The following ANKLE2 variants were observed in gnomAD, a reference collection of about 807,000 sequenced individuals.
ANKLE2 encodes ankyrin repeat and LEM domain containing 2, also known as ankyrin repeat and LEM domain-containing protein 2.
A neutral mutation model predicts 84.2 loss-of-function variants in ANKLE2; 55 were observed. The ratio of observed to expected loss-of-function variants is 0.65; its 90% CI spans 0.53 to 0.82. The LOEUF (loss-of-function observed/expected upper bound fraction) is 0.82, where lower values mean the gene tolerates loss of function less well. Among genes scored for constraint, ANKLE2 ranks in the 40% least tolerant of loss-of-function variants. The pLI is 0.00. For missense variants in ANKLE2, 1,238 were observed against 1,201.9 expected, an observed-to-expected ratio of 1.03 and a Z score of -0.44; for synonymous variants, 551 against 486.1, an observed-to-expected ratio of 1.13 and a Z score of -1.76.
In ANKLE2 at chr12:132,740,880, C is replaced by T. The variant is rs116136124; in HGVS notation, c.1420+539G>A. ...GGAGGCGAGTGGGGAGGGAGTGTCC[C>T]GGAGCCAAGACAGGAGCCTGGGCGT... On this transcript the variant is annotated intron_variant, in intron 7 of 12. Transcript: ENST00000357997. 2.6e-3 allele frequency among the ~76,000 whole-genome samples: 397 copies of T among 152,168 alleles called. 1 individual carries two copies. The highest frequency in any genetic ancestry group is 8.9e-3 in the African/African-American group (371 of 41,474).
At chr12:132,734,022 G>A (rs2043952743) in intron 10 of ANKLE2, 2 of 463,996 alleles carry the variant, frequency 4.3e-6, no homozygotes, top group Admixed American at 2.3e-5. Flanking sequence ...TGGATCACGA[G>A]GTCAGGAGTT....
intron 10 of ANKLE2, chr12:132,734,002 A>G (rs1175186234): frequency 2.2e-6 from 1 of 461,126 alleles, no homozygotes; most frequent in African/African-American, 2.0e-5. Flanking sequence ...TAACCTTCCC[A>G]GCACTCTAGT....
At chr12:132,759,260 AC>A (rs2044563162) in intron 1 of ANKLE2, 1 of 150,528 alleles carries the variant, frequency 6.6e-6, no homozygotes, top group Non-Finnish European at 1.5e-5. Flanking sequence ...GCGGAGTGGC[AC>A]CCCGGGGTAT....
At chr12:132,755,243 A>G in intron 1 of ANKLE2, 110 bp from the exon 2 acceptor site, 1 of 1,144,040 alleles carries the variant, frequency 8.7e-7, no homozygotes, top group Non-Finnish European at 1.2e-6. Flanking sequence ...TGTTTCTTTC[A>G]TTAAAAACTT....
chr12:132,737,147 G>C, intron 7 of ANKLE2, 82 bp from the exon 8 acceptor site: 3 of 1,457,948 alleles, frequency 2.1e-6, no homozygotes, highest in Non-Finnish European at 1.8e-6. Flanking sequence ...GGGATCACGC[G>C]AGCCCTTGCC....
At chr12:132,727,882 G>T in intron 12 of ANKLE2, 150 bp downstream of exon 12, 1 of 1,091,806 alleles carries the variant, frequency 9.2e-7, no homozygotes, top group Non-Finnish European at 1.3e-6. Flanking sequence ...CCTGTGTGCA[G>T]AGAGCCACAA....
intron 12 of ANKLE2, among the ~76,000 whole-genome samples, chr12:132,727,818 C>T (rs1289757663): frequency 6.6e-6 from 1 of 152,236 alleles, no homozygotes; most frequent in African/African-American, 2.4e-5. Context: ...CCTTCTAGCC[C>T]TCAGCTTGTC....
Position 132,743,053 on chromosome 12 carries a change from A to G in ANKLE2, c.1353+101T>C. On this transcript the variant is annotated intron_variant, in intron 6 of 12. Transcript: ENST00000357997. This position sits in a 1 kb window ranked among gnomAD's most constrained non-coding sequence, Gnocchi z 4.1. ...CCCATAAAGCAAACACAACTCATAC[A>G]GAGCTCCTTGTGGCTTCCCTGTGCC... 6 of 1,145,596 alleles carry G rather than the reference A, an allele frequency of 5.2e-6. No individual in the cohort carries two copies. The highest frequency in any genetic ancestry group is 7.2e-6 in the Non-Finnish European group (6 of 836,422). 71.0% of individuals were successfully genotyped at this position (1,145,596 alleles called of 1,614,324 possible).
rs951686329 is a variant in ANKLE2, at chr12:132,730,016, G to T, written c.2146C>A (p.Pro716Thr). The T allele has an allele frequency of 3.7e-6, 6 of 1,613,298 alleles. No homozygotes were observed. Among genetic ancestry groups the T allele is most frequent in the Non-Finnish European group, 5.1e-6 (6 of 1,179,920 alleles). ...NHSRTLAGKR[P>T]KAPRGEEAHL... Reference sequence around the variant, plus strand: ...GCTTCCTCCCCACGGGGGGCCTTTGGTCTCTTGCCCGCCAGGGTCCTGCTG... The same window carrying T: ...GCTTCCTCCCCACGGGGGGCCTTTGTTCTCTTGCCCGCCAGGGTCCTGCTG... Residue 716 changes from proline to threonine, a missense_variant, in exon 11 of 13, where the codon CCA (proline) becomes ACA (threonine). Transcript: ENST00000357997.
rs767008737 is a variant in ANKLE2 at position 132,729,741 on chromosome 12, G to A, written c.2421C>T (p.Ser807=). 6.2e-7 allele frequency: 1 copy of A among 1,611,378 alleles called. No individual in the cohort carries two copies. ...RIAKMSLSPS[S]PRHEDQLEVT... is the part of the protein sequence containing the mutation. ...CCTCGAGCTGATCCTCGTGCCTGGG[G>A]CTGCTGGGACTCAAGGACATTTTAG... Residue 807 remains serine, a synonymous_variant, in exon 11 of 13, where the codon AGC becomes AGT. Transcript: ENST00000357997.
At chr12:132,736,304 TGCA>T (rs1243939001) in intron 8 of ANKLE2, among the ~76,000 whole-genome samples, 4 of 152,192 alleles carry the variant, frequency 2.6e-5, no homozygotes, top group Non-Finnish European at 4.4e-5. Context: ...GGATGGTGCG[TGCA>T]GGTCAGTGTG....
At chr12:132,728,508 G>A (rs1398425748) in intron 11 of ANKLE2, among the ~76,000 whole-genome samples, 2 of 152,186 alleles carry the variant, frequency 1.3e-5, no homozygotes, top group Non-Finnish European at 2.9e-5. Flanking sequence ...AATTACAGGC[G>A]TGAGCCACCA....
At position 132,726,979 on chromosome 12, in the gene ANKLE2, G is replaced by A. The variant is rs2043711758; in HGVS notation, c.*263C>T. The A allele has an allele frequency of 8.3e-6, 4 of 480,618 alleles. No homozygotes were observed. Among genetic ancestry groups the A allele is most frequent in the Non-Finnish European group, 1.1e-5 (3 of 274,094 alleles). The allele number at this position is 480,618 out of a possible 1,614,324, so 29.8% of individuals were successfully genotyped here. ...CTGCTATATTTCAGACCTAGAAATT[G>A]CCACCTAAAAAGTCTACCATTACCA... On this transcript the variant is annotated 3_prime_UTR_variant, in exon 13 of 13. Transcript: ENST00000357997.
chr12:132,743,798 A>G lies in ANKLE2; in HGVS notation c.1231-522T>C, dbSNP rs1056013989. Among the ~76,000 whole-genome samples, 1 of 152,206 alleles carries G rather than the reference A, an allele frequency of 6.6e-6. No homozygotes were observed. Among genetic ancestry groups the G allele is most frequent in the Non-Finnish European group, 1.5e-5 (1 of 68,038 alleles). Reference sequence around the variant, plus strand: ...ACTGACCTGGGTGCCCAGACCCTGGAGGAGCTTAAATTCTCCATAAACAGT... The same window carrying G: ...ACTGACCTGGGTGCCCAGACCCTGGGGGAGCTTAAATTCTCCATAAACAGT... On this transcript the variant is annotated intron_variant, in intron 5 of 12. Coordinates refer to ENST00000357997, the MANE Select transcript of ANKLE2 (RefSeq NM_015114.3). This position sits in a 1 kb window ranked among gnomAD's most constrained non-coding sequence, Gnocchi z 4.1.
intron 3 of ANKLE2, among the ~76,000 whole-genome samples, chr12:132,749,344 C>T (rs1475440949): frequency 6.6e-6 from 1 of 151,620 alleles, no homozygotes; most frequent in Non-Finnish European, 1.5e-5. Context: ...TTAATAGAGA[C>T]GGGGTTTCAC....
At chr12:132,734,872 C>T (rs889845771) in intron 9 of ANKLE2, 3 of 391,636 alleles carry the variant, frequency 7.7e-6, no homozygotes, top group Admixed American at 4.5e-5. Context: ...CACAGTTCAA[C>T]TCCCACAGAC....
Position 132,729,806 on chromosome 12 carries a change from C to T in ANKLE2, c.2356G>A (p.Gly786Ser). 1.2e-6 allele frequency: 2 copies of T among 1,613,322 alleles called. No homozygotes were observed. The highest frequency in any genetic ancestry group is 2.2e-5 in the East Asian group (1 of 44,810). The stretch of plus-strand genomic sequence containing the variant: ...ATTTCACTTTCTGTCCTCCTGTGGC[C>T]ATTCCCGAGTTGGTCTGCGGGAGAA... ...EPSPADQLGN[G>S]HRRTESEMSA... The change falls in exon 11 of 13, where the codon GGC becomes AGC. Residue 786 changes from glycine to serine, a missense_variant. Physicochemically the swap from Gly to Ser is moderately conservative, Grantham distance 56 (BLOSUM62 0). Around this residue, in one of 3 missense-constraint regions of ANKLE2, gnomAD observed 802 missense variants for 774.5 expected, o/e 1.04. Coordinates refer to ENST00000357997, the MANE Select transcript of ANKLE2 (RefSeq NM_015114.3).
In ANKLE2 at chr12:132,726,357, C is replaced by A. The variant is rs995764066; in HGVS notation, c.*885G>T. ...ACACTCTGCATACAGGAGATCCCAACTGAAATGAGTTCCAAAATAACGGAT... is the reference window on the plus strand; with the variant it reads ...ACACTCTGCATACAGGAGATCCCAAATGAAATGAGTTCCAAAATAACGGAT... On this transcript the variant is annotated 3_prime_UTR_variant, in exon 13 of 13. Transcript: ENST00000357997. 6.6e-6 allele frequency: 1 copy of A among 152,368 alleles called. No homozygotes were observed. The highest frequency in any genetic ancestry group is 2.4e-5 in the African/African-American group (1 of 41,460). The allele number at this position is 152,368 out of a possible 1,614,324, so 9.4% of individuals were successfully genotyped here.
intron 7 of ANKLE2, 134 bp downstream of exon 7, chr12:132,741,285 C>G: frequency 2.5e-6 from 2 of 810,478 alleles, no homozygotes; most frequent in Non-Finnish European, 4.0e-6. Flanking sequence ...AGGATGATCC[C>G]GAGGAGAGGC....
Sources: gnomAD v4.1 joint callset for allele counts (sites outside exome capture counted in the v4.1 genomes callset) on GRCh38, gnomAD v4.1.1 for gene constraint, gnomAD v4.1.1 regional missense constraint, Gnocchi (gnomAD v3.1) non-coding constraint, MANE v1.5 for transcripts, NCBI Gene and HGNC (gene_info 2026-07-23, HGNC 2026-07-21) for gene names.